ETV6: variants seen among roughly 807,000 people sequenced by gnomAD.
ETV6 encodes the protein transcription factor ETV6.
Under a neutral mutation model 51.1 loss-of-function variants are expected in ETV6, and 16 were observed. That is an observed-to-expected ratio of 0.31 (90% CI 0.21 to 0.48). The LOEUF is 0.48. Among genes scored for constraint, ETV6 ranks in the 20% least tolerant of loss-of-function variants. The pLI, the probability that ETV6 is intolerant of heterozygous loss-of-function variation, is 0.99. For missense variants in ETV6, 458 were observed against 594.8 expected, an observed-to-expected ratio of 0.77 and a Z score of 2.39; for synonymous variants, 240 against 224.1, an observed-to-expected ratio of 1.07 and a Z score of -0.64.
chr12:11,723,951 G>A (rs143175285), intron 1 of ETV6, among the ~76,000 whole-genome samples: 317 of 152,096 alleles, frequency 2.1e-3, no homozygotes, highest in African/African-American at 7.5e-3. Context: ...TACACTCTCG[G>A]GGGTGCCCAG....
rs763754783 is a variant in ETV6 at position 11,887,149 on chromosome 12, T to TA, written c.1253+1130dup. ...GGAAAGGGAAACAGAATAGAAGGAA[T>TA]AAAAAAAGAACCCTCCATTCTCTGG... On this transcript the variant is annotated intron_variant, in intron 7 of 7. Transcript: ENST00000396373. 7.9e-5 allele frequency among the ~76,000 whole-genome samples: 12 copies of TA among 152,046 alleles called. No homozygotes were observed. In the South Asian group the frequency reaches 1.0e-3, roughly 13 times the overall value.
intron 2 of ETV6, among the ~76,000 whole-genome samples, chr12:11,788,410 AG>A (rs1207393095): frequency 6.6e-6 from 1 of 152,224 alleles, no homozygotes; most frequent in East Asian, 1.9e-4. Context: ...AAAGTGGTCT[AG>A]GAAGTATAGC....
At chr12:11,816,673 G>C (rs1021407332) in intron 2 of ETV6, among the ~76,000 whole-genome samples, 1 of 152,160 alleles carries the variant, frequency 6.6e-6, no homozygotes, top group Admixed American at 6.5e-5. Flanking sequence ...TTGGAAATCT[G>C]CCTGGCTCCC....
At chr12:11,743,259 G>T (rs1412704599) in intron 1 of ETV6, among the ~76,000 whole-genome samples, 2 of 152,118 alleles carry the variant, frequency 1.3e-5, no homozygotes, top group Admixed American at 1.3e-4. Context: ...AATTATTTTG[G>T]TAGTAAACAT....
intron 1 of ETV6, among the ~76,000 whole-genome samples, chr12:11,673,109 A>G (rs1183432448): frequency 6.6e-6 from 1 of 152,194 alleles, no homozygotes; most frequent in Admixed American, 6.5e-5. Flanking sequence ...GAGCTGGGTA[A>G]CTGTGCAGGG....
At chr12:11,885,203 G>A (rs1353647151) in intron 6 of ETV6, among the ~76,000 whole-genome samples, 1 of 152,232 alleles carries the variant, frequency 6.6e-6, no homozygotes, top group Non-Finnish European at 1.5e-5. Context: ...TGGACCTGAA[G>A]CAAAGCCTGA....
chr12:11,894,447 G>C lies in ETV6; in HGVS notation c.*3401G>C, dbSNP rs1328775860. 3 of 233,058 alleles carry C rather than the reference G, an allele frequency of 1.3e-5. No individual in the cohort carries two copies. The highest frequency in any genetic ancestry group is 2.5e-5 in the Non-Finnish European group (3 of 117,994). 14.4% of individuals were successfully genotyped at this position (233,058 alleles called of 1,614,324 possible). Reference sequence around the variant, plus strand: ...TCTTGACCCAGGGCGACTTGGTTTTGCTTAAGGTGGCATCACCAATGTTCC... The same window carrying C: ...TCTTGACCCAGGGCGACTTGGTTTTCCTTAAGGTGGCATCACCAATGTTCC... On this transcript the variant is annotated 3_prime_UTR_variant, in exon 8 of 8. Transcript: ENST00000396373.
chr12:11,775,092 G>T (rs1265158800), intron 2 of ETV6, among the ~76,000 whole-genome samples: 1 of 152,230 alleles, frequency 6.6e-6, no homozygotes, highest in Non-Finnish European at 1.5e-5. Flanking sequence ...AGCCTTGGAA[G>T]AAGCTTTGAA....
intron 2 of ETV6, among the ~76,000 whole-genome samples, chr12:11,771,110 G>A (rs1945236739): frequency 6.6e-6 from 1 of 152,204 alleles, no homozygotes; most frequent in Non-Finnish European, 1.5e-5. Context: ...GACTTTGTAG[G>A]TATTAACATT....
intron 2 of ETV6, among the ~76,000 whole-genome samples, chr12:11,796,776 T>TG (rs201271025): frequency 0.02 from 2,266 of 113,540 alleles, 60 homozygotes; most frequent in African/African-American, 0.065. Flanking sequence ...CTTTTTTTTT[T>TG]TTTTGTGTGT....
chr12:11,651,132 A>G (rs899014668), intron 1 of ETV6, among the ~76,000 whole-genome samples: 2 of 152,202 alleles, frequency 1.3e-5, no homozygotes, highest in East Asian at 1.9e-4. Flanking sequence ...CATTTATTGT[A>G]CACTTTATTC....
At chr12:11,769,094 G>A in intron 2 of ETV6, 1 of 386,622 alleles carries the variant, frequency 2.6e-6, no homozygotes, top group South Asian at 1.9e-5. Flanking sequence ...AGCACCTACT[G>A]TGCCCAGTAG....
chr12:11,721,850 A>T (rs1053189135), intron 1 of ETV6, among the ~76,000 whole-genome samples: 13 of 152,236 alleles, frequency 8.5e-5, no homozygotes, highest in African/African-American at 2.7e-4. Flanking sequence ...AAATATTAAG[A>T]TGTACATATT....
chr12:11,686,815 G>C (rs1179384551), intron 1 of ETV6, among the ~76,000 whole-genome samples: 1 of 152,142 alleles, frequency 6.6e-6, no homozygotes, highest in Non-Finnish European at 1.5e-5. Flanking sequence ...ACCGCACCTG[G>C]CCCTGCTATG....
chr12:11,724,647 G>C (rs1865454133), intron 1 of ETV6, among the ~76,000 whole-genome samples: 1 of 152,164 alleles, frequency 6.6e-6, no homozygotes, highest in South Asian at 2.1e-4. Context: ...TTGGTGACAA[G>C]AATAAAGAGT....
intron 3 of ETV6, among the ~76,000 whole-genome samples, chr12:11,843,565 A>G (rs1451234176): frequency 1.3e-5 from 2 of 152,230 alleles, no homozygotes; most frequent in African/African-American, 4.8e-5. Flanking sequence ...CTAGCAAACA[A>G]TGTAGCTTTC....
chr12:11,867,631 A>G (rs1447336735), intron 4 of ETV6, among the ~76,000 whole-genome samples: 1 of 152,186 alleles, frequency 6.6e-6, no homozygotes, highest in Non-Finnish European at 1.5e-5. Flanking sequence ...ACTTAAAACC[A>G]CTATGTCTGT....
At chr12:11,834,491 C>A (rs764084951) in intron 2 of ETV6, among the ~76,000 whole-genome samples, 3 of 152,134 alleles carry the variant, frequency 2.0e-5, no homozygotes, top group Admixed American at 6.5e-5. Flanking sequence ...GCCCTGTTTT[C>A]TATTAAACTG....
chr12:11,807,307 G>A (rs1945842651), intron 2 of ETV6, among the ~76,000 whole-genome samples: 1 of 152,202 alleles, frequency 6.6e-6, no homozygotes, highest in African/African-American at 2.4e-5. Flanking sequence ...GTGGATTTTG[G>A]TAGTATACGC....
Sources: allele counts gnomAD v4.1 joint callset (sites outside exome capture counted in the v4.1 genomes callset), GRCh38; gene constraint gnomAD v4.1.1; transcripts MANE v1.5; gene names NCBI Gene and HGNC (gene_info 2026-07-23, HGNC 2026-07-21).